TRABD2B: variants seen among roughly 807,000 people sequenced by gnomAD.
The protein encoded by TRABD2B is TraB domain containing 2B.
In TRABD2B, 14 loss-of-function variants were observed where a neutral mutation model predicts 40.1. The observed-to-expected ratio is 0.35, with a 90% confidence interval of 0.23 to 0.55. The LOEUF is 0.55. TRABD2B is among the 20% of genes least tolerant of loss of function. The pLI is 0.90. For synonymous variants in TRABD2B, 263 were observed against 277.0 expected (o/e 0.95, Z 0.50); for missense variants, 541 against 648.6 (o/e 0.83, Z 1.80).
intron 2 of TRABD2B, among the ~76,000 whole-genome samples, chr1:47,835,807 G>A (rs945523527): frequency 5.9e-5 from 9 of 152,258 alleles, no homozygotes; most frequent in African/African-American, 1.7e-4. Context: ...ACTAGACAGC[G>A]ACATAAACCC....
rs902409290 is a variant in TRABD2B at position 47,912,896 on chromosome 1, G to A, written c.666+81138C>T. On this transcript the variant is annotated intron_variant, in intron 2 of 6. Coordinates refer to ENST00000606738, the MANE Select transcript of TRABD2B (RefSeq NM_001194986.2). ...AAGCCTGAGGCTCAGTGGGAAGAAA[G>A]GACCTGTGGTGGCCACAGTTCTAGG... Among the ~76,000 whole-genome samples, 8 of 152,194 alleles carry A rather than the reference G, an allele frequency of 5.3e-5. No individual in the cohort carries two copies. In the East Asian group the frequency reaches 1.5e-3, roughly 29 times the overall value.
chr1:47,993,108 C>T (rs938456735), intron 2 of TRABD2B, among the ~76,000 whole-genome samples: 4 of 152,228 alleles, frequency 2.6e-5, no homozygotes, highest in East Asian at 1.9e-4. Flanking sequence ...ATGGGCAGCA[C>T]GTCTCTGAGC....
chr1:47,889,584 G>T (rs1227811949), intron 2 of TRABD2B, among the ~76,000 whole-genome samples: 1 of 152,244 alleles, frequency 6.6e-6, no homozygotes, highest in Non-Finnish European at 1.5e-5. Flanking sequence ...TATGTCACCA[G>T]AAGATTGTAA....
chr1:47,975,912 C>T (rs6697486), intron 2 of TRABD2B, among the ~76,000 whole-genome samples: 73 of 152,172 alleles, frequency 4.8e-4, no homozygotes, highest in Admixed American at 1.5e-3. Context: ...GAGGGCACCC[C>T]AGGGTAAGCA....
intron 2 of TRABD2B, among the ~76,000 whole-genome samples, chr1:47,810,948 C>T (rs549887471): frequency 3.3e-5 from 5 of 152,192 alleles, no homozygotes; most frequent in South Asian, 4.1e-4. Context: ...GAGGACAAGG[C>T]GGGAGCCTAG....
rs1646089208 is a variant in TRABD2B, at chr1:47,996,223, T to A, written c.102+465A>T. On this transcript the variant is annotated intron_variant, in intron 1 of 6. Coordinates refer to ENST00000606738, the MANE Select transcript of TRABD2B (RefSeq NM_001194986.2). The surrounding 1 kb of genome is among the most constrained non-coding windows in gnomAD (Gnocchi z 4.6). ...GGAGAAAGTTTGTCTTAGGTCAGAG[T>A]GGGAGGGCAGGGAGAGAGAGGGAAG... 6.7e-6 allele frequency among the ~76,000 whole-genome samples: 1 copy of A among 149,690 alleles called. No homozygotes were observed. The highest frequency in any genetic ancestry group is 1.5e-5 in the Non-Finnish European group (1 of 67,402).
At chr1:47,948,502 A>G (rs1043724186) in intron 2 of TRABD2B, among the ~76,000 whole-genome samples, 6 of 152,190 alleles carry the variant, frequency 3.9e-5, no homozygotes, top group African/African-American at 1.2e-4. Context: ...AGGGTCGAGT[A>G]CAGCCTTCAG....
chr1:47,779,715 C>A (rs1644495174), intron 4 of TRABD2B, among the ~76,000 whole-genome samples: 1 of 152,108 alleles, frequency 6.6e-6, no homozygotes, highest in Admixed American at 6.5e-5. Context: ...GCCCCTCCTG[C>A]CATGGGCCTG....
At chr1:47,852,690 A>G (rs1643830910) in intron 2 of TRABD2B, among the ~76,000 whole-genome samples, 1 of 152,142 alleles carries the variant, frequency 6.6e-6, no homozygotes, top group Admixed American at 6.5e-5. Flanking sequence ...TATTTCAATA[A>G]TCCCAGAGGA....
intron 2 of TRABD2B, among the ~76,000 whole-genome samples, chr1:47,923,929 C>T (rs867428456): frequency 2.3e-4 from 13 of 56,552 alleles, no homozygotes; most frequent in Admixed American, 4.8e-4. Flanking sequence ...CACACACACA[C>T]ACACACACAC....
chr1:47,933,864 T>C (rs1257672852), intron 2 of TRABD2B, among the ~76,000 whole-genome samples: 1 of 152,272 alleles, frequency 6.6e-6, no homozygotes, highest in Non-Finnish European at 1.5e-5. Flanking sequence ...GTTCTGTGTC[T>C]GTGCTTTCCA....
rs559059766 is a variant in TRABD2B at position 47,841,705 on chromosome 1, G to A, written c.667-40086C>T. 3.3e-4 allele frequency among the ~76,000 whole-genome samples: 50 copies of A among 152,248 alleles called. No homozygotes were observed. The South Asian group carries it at 0.01, about 31-fold the overall frequency. On this transcript the variant is annotated intron_variant, in intron 2 of 6. Transcript: ENST00000606738. ...AAGGTGGAGGAAAGGCAGGTTCCCA[G>A]AGCCAGGGGCAACCAGTTGAGCAGT... is the stretch of plus-strand genomic sequence containing the variant.
intron 2 of TRABD2B, among the ~76,000 whole-genome samples, chr1:47,967,769 T>C (rs1645624474): frequency 1.3e-5 from 2 of 152,182 alleles, no homozygotes; most frequent in South Asian, 4.1e-4. Context: ...CCAAGAAAAT[T>C]ATAAATGACA....
In TRABD2B at chr1:47,765,942, ATGG is replaced by A. The variant is rs368316283; in HGVS notation, c.1511_1513del (p.Thr504del). On this transcript the variant is annotated inframe_deletion, in exon 7 of 7. Transcript: ENST00000606738. ...GCTATGCAGCAGGAAGCAGACAGCG[ATGG>A]TGGTGGCGATGGCGGGGAGAAGGCC... The A allele has an allele frequency of 2.9e-4, 205 of 702,924 alleles. 1 individual carries two copies. Among genetic ancestry groups the A allele is most frequent in the South Asian group, 2.2e-3 (152 of 67,598 alleles). 43.5% of individuals were successfully genotyped at this position (702,924 alleles called of 1,614,324 possible). A position where few individuals can be genotyped will look rare whatever the true frequency, so the allele number is the denominator to read the frequency against.
intron 2 of TRABD2B, among the ~76,000 whole-genome samples, chr1:47,981,357 G>A (rs1206398361): frequency 6.6e-6 from 1 of 152,114 alleles, no homozygotes; most frequent in African/African-American, 2.4e-5. Context: ...AAGAGAACAG[G>A]GGTCTGCAGC....
chr1:47,983,057 A>G (rs1393501696), intron 2 of TRABD2B, among the ~76,000 whole-genome samples: 1 of 152,230 alleles, frequency 6.6e-6, no homozygotes, highest in African/African-American at 2.4e-5. Context: ...AGCACTATTC[A>G]CAATAGCAAA....
intron 2 of TRABD2B, among the ~76,000 whole-genome samples, chr1:47,948,372 A>G (rs1645289502): frequency 6.6e-6 from 1 of 152,190 alleles, no homozygotes; most frequent in Admixed American, 6.5e-5. Context: ...ATCAGGCCGG[A>G]ACTGTCACCC....
chr1:47,860,342 T>C (rs576325278), intron 2 of TRABD2B, among the ~76,000 whole-genome samples: 10 of 152,276 alleles, frequency 6.6e-5, no homozygotes, highest in African/African-American at 2.2e-4. Flanking sequence ...ACCCTGATGG[T>C]GTGCAGCCAT....
intron 2 of TRABD2B, among the ~76,000 whole-genome samples, chr1:47,946,698 T>C (rs1004425449): frequency 6.6e-6 from 1 of 152,232 alleles, no homozygotes; most frequent in African/African-American, 2.4e-5. Context: ...TCTATAGTTC[T>C]CTTATAATTT....
Sources: gnomAD v4.1 joint callset for allele counts (sites outside exome capture counted in the v4.1 genomes callset) on GRCh38, gnomAD v4.1.1 for gene constraint, Gnocchi (gnomAD v3.1) non-coding constraint, MANE v1.5 for transcripts, NCBI Gene and HGNC (gene_info 2026-07-23, HGNC 2026-07-21) for gene names.